QKI: variants seen among roughly 807,000 people sequenced by gnomAD.
QKI encodes the protein QKI, KH domain containing RNA binding.
QKI carries 10 observed loss-of-function variants against 39.0 expected under a neutral mutation model. The ratio of observed to expected loss-of-function variants is 0.26; its 90% CI spans 0.16 to 0.43. QKI has a LOEUF of 0.43. Among genes scored for constraint, QKI ranks in the 20% least tolerant of loss-of-function variants. The pLI is 1.00. For missense variants in QKI, 218 were observed against 428.0 expected, an observed-to-expected ratio of 0.51 and a Z score of 4.33; for synonymous variants, 204 against 155.4, an observed-to-expected ratio of 1.31 and a Z score of -2.33.
At chr6:163,542,305 A>G (rs1274617799) in intron 4 of QKI, among the ~76,000 whole-genome samples, 2 of 151,990 alleles carry the variant, frequency 1.3e-5, no homozygotes, top group Admixed American at 6.6e-5. Context: ...TTCTTAGTCA[A>G]GACTTTATAT....
At chr6:163,563,103 C>T (rs75562008) in intron 5 of QKI, among the ~76,000 whole-genome samples, 11,441 of 152,234 alleles carry the variant, frequency 0.075, 624 homozygotes, top group East Asian at 0.25. Flanking sequence ...CATTGTGCTT[C>T]TGCATGTACT....
At chr6:163,561,903 T>A in intron 4 of QKI, 79 bp from the exon 5 acceptor site, 1 of 1,118,494 alleles carries the variant, frequency 8.9e-7, no homozygotes, top group South Asian at 1.5e-5. Context: ...ATACTTACTT[T>A]AAGGCTTGTG....
chr6:163,473,825 T>C (rs532567307), intron 2 of QKI, among the ~76,000 whole-genome samples: 1 of 152,134 alleles, frequency 6.6e-6, no homozygotes. Flanking sequence ...CATTCCAACA[T>C]GTTTTGCTAC....
At chr6:163,448,576 AT>A (rs923503530) in intron 1 of QKI, among the ~76,000 whole-genome samples, 6 of 151,956 alleles carry the variant, frequency 3.9e-5, no homozygotes, top group Admixed American at 3.3e-4. Context: ...AAAAAAAAAA[AT>A]AATAATAAAT....
intron 3 of QKI, among the ~76,000 whole-genome samples, chr6:163,498,553 C>T (rs1778551126): frequency 6.6e-6 from 1 of 152,050 alleles, no homozygotes; most frequent in Admixed American, 6.6e-5. Flanking sequence ...CATCCCCCTT[C>T]ACTTTCAGGC....
chr6:163,532,297 A>C (rs1231648377), intron 3 of QKI, among the ~76,000 whole-genome samples: 1 of 152,150 alleles, frequency 6.6e-6, no homozygotes, highest in African/African-American at 2.4e-5. Flanking sequence ...TAGAGCTTTT[A>C]ATGTCTTTGT....
chr6:163,572,340 G>A lies in QKI; in HGVS notation c.*1630G>A, dbSNP rs992682810. The A allele has an allele frequency of 2.6e-5, 4 of 152,092 alleles. No homozygotes were observed. The highest frequency in any genetic ancestry group is 9.7e-5 in the African/African-American group (4 of 41,432). The allele number at this position is 152,092 out of a possible 1,614,324, so 9.4% of individuals were successfully genotyped here. A position where few individuals can be genotyped will look rare whatever the true frequency, so the allele number is the denominator to read the frequency against. On this transcript the variant is annotated 3_prime_UTR_variant, in exon 8 of 8. Coordinates refer to ENST00000361752, the MANE Select transcript of QKI (RefSeq NM_006775.3). ...TGTTTTCACAAAAGTGAATCTTTGT[G>A]ATTTTCATTCTAGAAAACAATGTTT...
chr6:163,563,337 T>A, intron 5 of QKI, 83 bp from the exon 6 acceptor site: 1 of 1,283,204 alleles, frequency 7.8e-7, no homozygotes, highest in Non-Finnish European at 1.1e-6. Context: ...GCTTTTCCTT[T>A]CTTTTTCCTA....
intron 2 of QKI, among the ~76,000 whole-genome samples, chr6:163,473,352 G>A (rs1411231466): frequency 6.6e-6 from 1 of 152,132 alleles, no homozygotes; most frequent in African/African-American, 2.4e-5. Context: ...GCCAAAGCAA[G>A]TCACAATGCT....
intron 3 of QKI, among the ~76,000 whole-genome samples, chr6:163,485,377 A>T (rs1330349265): frequency 6.6e-6 from 1 of 152,214 alleles, no homozygotes; most frequent in Non-Finnish European, 1.5e-5. Context: ...GCTGGTTCTA[A>T]TGTAGCAAAT....
At chr6:163,559,319 T>A (rs1312371323) in intron 4 of QKI, among the ~76,000 whole-genome samples, 1 of 152,192 alleles carries the variant, frequency 6.6e-6, no homozygotes, top group Non-Finnish European at 1.5e-5. Flanking sequence ...CTGCTCTTCT[T>A]TTTCTTTTTT....
At chr6:163,472,920 C>A (rs1227782857) in intron 2 of QKI, among the ~76,000 whole-genome samples, 4 of 150,482 alleles carry the variant, frequency 2.7e-5, no homozygotes, top group African/African-American at 9.8e-5. Context: ...ATATTCATTT[C>A]AAAAAATTGG....
intron 1 of QKI, chr6:163,416,052 G>T: frequency 5.2e-5 from 2 of 38,474 alleles, no homozygotes; most frequent in Non-Finnish European, 1.3e-4. Flanking sequence ...ACTTTTCGGG[G>T]GTGGGGGGGG....
intron 4 of QKI, among the ~76,000 whole-genome samples, chr6:163,543,420 C>G (rs1781668443): frequency 6.6e-6 from 1 of 151,976 alleles, no homozygotes; most frequent in Non-Finnish European, 1.5e-5. Context: ...CCATTTTAAT[C>G]TGAATGGGAA....
intron 2 of QKI, among the ~76,000 whole-genome samples, chr6:163,456,226 G>A (rs921025845): frequency 6.6e-6 from 1 of 152,100 alleles, no homozygotes; most frequent in African/African-American, 2.4e-5. Context: ...CATCTATCTA[G>A]CTACTCACTG....
At chr6:163,513,899 G>C (rs1313735434) in intron 3 of QKI, among the ~76,000 whole-genome samples, 1 of 151,852 alleles carries the variant, frequency 6.6e-6, no homozygotes, top group East Asian at 1.9e-4. Context: ...CCTGAGCCCT[G>C]GTGTGCACAG....
Position 163,544,283 on chromosome 6 carries a change from C to T in QKI, c.546+9158C>T, listed in dbSNP as rs565217719. Among the ~76,000 whole-genome samples the T allele has an allele frequency of 3.9e-5, 6 of 152,094 alleles. No homozygotes were observed. In the South Asian group the frequency reaches 1.0e-3, roughly 26 times the overall value. ...TAATCTAGAGATGATTTAAAGTAGA[C>T]TGGAGCATGTGCGTAGGTTATATGC... On this transcript the variant is annotated intron_variant, in intron 4 of 7. Coordinates refer to ENST00000361752, the MANE Select transcript of QKI (RefSeq NM_006775.3).
intron 1 of QKI, among the ~76,000 whole-genome samples, chr6:163,423,777 A>C (rs1461033245): frequency 2.6e-5 from 4 of 152,250 alleles, no homozygotes; most frequent in Admixed American, 2.6e-4. Context: ...CAAAGGCTAG[A>C]GCCTCAGTTT....
intron 3 of QKI, among the ~76,000 whole-genome samples, chr6:163,495,422 C>G (rs1308653897): frequency 6.6e-6 from 1 of 152,032 alleles, no homozygotes; most frequent in East Asian, 1.9e-4. Context: ...TATGTATGTA[C>G]ATATATAAAA....
Sources: allele counts gnomAD v4.1 joint callset (sites outside exome capture counted in the v4.1 genomes callset), GRCh38; gene constraint gnomAD v4.1.1; transcripts MANE v1.5; gene names NCBI Gene and HGNC (gene_info 2026-07-23, HGNC 2026-07-21).